Variants in CCN4 observed in about 807,000 individuals in gnomAD.
CCN4 encodes CCN family member 4.
In CCN4, 30 loss-of-function variants were observed where a neutral mutation model predicts 36.7. That is an observed-to-expected ratio of 0.82 (90% CI 0.61 to 1.11). The LOEUF is 1.11. Among genes scored for constraint, CCN4 ranks in the 50% least tolerant of loss-of-function variants. The probability of loss-of-function intolerance (pLI) is 0.00; values close to 1 mark genes in which losing one functional copy is unlikely to be tolerated. For missense variants in CCN4, 505 were observed against 504.9 expected (o/e 1.00, Z 0.00); for synonymous variants, 191 against 195.4 (o/e 0.98, Z 0.19).
At chr8:133,198,762 T>G (rs1013381033) in intron 1 of CCN4, among the ~76,000 whole-genome samples, 2 of 152,212 alleles carry the variant, frequency 1.3e-5, no homozygotes, top group Non-Finnish European at 2.9e-5. Context: ...TCTGCTGGCC[T>G]TGCCCTGTGT....
At chr8:133,212,812 G>A (rs968146345) in intron 1 of CCN4, 52 bp from the exon 2 acceptor site, 15 of 1,407,648 alleles carry the variant, frequency 1.1e-5, no homozygotes, top group South Asian at 1.4e-5. Context: ...CCCTTTGGGC[G>A]TTGAAACCCC....
intron 3 of CCN4, among the ~76,000 whole-genome samples, chr8:133,223,358 C>G (rs1854602944): frequency 1.3e-5 from 2 of 152,202 alleles, no homozygotes; most frequent in African/African-American, 2.4e-5. Context: ...TCCCCACCAC[C>G]TCCCAAGATG....
At chr8:133,221,724 A>AATGG (rs143527799) in intron 3 of CCN4, among the ~76,000 whole-genome samples, 2 of 151,308 alleles carry the variant, frequency 1.3e-5, no homozygotes, top group African/African-American at 4.9e-5. Flanking sequence ...TGAATGTATG[A>AATGG]ATGGATGGAT....
At chr8:133,206,679 G>A (rs1853785928) in intron 1 of CCN4, among the ~76,000 whole-genome samples, 1 of 152,172 alleles carries the variant, frequency 6.6e-6, no homozygotes, top group African/African-American at 2.4e-5. Context: ...CCAGTGAGTA[G>A]CCTTCGAGGG....
chr8:133,218,567 C>T (rs1214620605), intron 2 of CCN4, among the ~76,000 whole-genome samples: 1 of 152,180 alleles, frequency 6.6e-6, no homozygotes, highest in Non-Finnish European at 1.5e-5. Context: ...GACAGTACTT[C>T]GAAAACCTTC....
rs1854102251 is a variant in CCN4 at position 133,212,780 on chromosome 8, G to A, written c.70-84G>A. The A allele has an allele frequency of 4.7e-6, 5 of 1,058,228 alleles. No homozygotes were observed. In the South Asian group the frequency reaches 8.0e-5, roughly 17 times the overall value. The allele number at this position is 1,058,228 out of a possible 1,614,324, so 65.6% of individuals were successfully genotyped here. ...TATGAAAACCTTTTGAACAGCATGA[G>A]GACAGGAATGCAATGGCAGGGCCCT... On this transcript the variant is annotated intron_variant, in intron 1 of 4. Transcript: ENST00000250160.
intron 2 of CCN4, among the ~76,000 whole-genome samples, chr8:133,218,102 T>C (rs1390199441): frequency 1.3e-5 from 2 of 152,208 alleles, no homozygotes; most frequent in Non-Finnish European, 2.9e-5. Flanking sequence ...AAATGGGCTG[T>C]GGAGTCAGGT....
At chr8:133,217,930 C>A (rs1854380287) in intron 2 of CCN4, among the ~76,000 whole-genome samples, 1 of 21,866 alleles carries the variant, frequency 4.6e-5, no homozygotes, top group African/African-American at 3.4e-4. Context: ...TAGCCCACTC[C>A]CTTCTCCACA....
At chr8:133,201,878 C>T (rs77380060) in intron 1 of CCN4, among the ~76,000 whole-genome samples, 167 of 141,480 alleles carry the variant, frequency 1.2e-3, no homozygotes, top group East Asian at 9.5e-3. Flanking sequence ...AGAAAAAAAC[C>T]CATACATGTG....
chr8:133,217,380 T>C (rs1390375198), intron 2 of CCN4, among the ~76,000 whole-genome samples: 1 of 152,260 alleles, frequency 6.6e-6, no homozygotes, highest in Non-Finnish European at 1.5e-5. Flanking sequence ...GCAAGTTGAC[T>C]TGAATTCCTG....
At position 133,227,472 on chromosome 8, in the gene CCN4, G is replaced by T; in HGVS notation, c.866G>T (p.Gly289Val). The T allele has an allele frequency of 6.2e-7, 1 of 1,614,194 alleles. No homozygotes were observed. The highest frequency in any genetic ancestry group is 8.5e-7 in the Non-Finnish European group (1 of 1,180,032). Residue 289 changes from glycine to valine, a missense_variant, in exon 5 of 5, where the codon GGC becomes GTC. By Grantham distance (109) the Gly-to-Val change is moderately radical. Transcript: ENST00000250160. ...PEASMNFTLA[G>V]CISTRSYQPK... The stretch of plus-strand genomic sequence containing the variant: ...GCATCCATGAACTTCACACTTGCGG[G>T]CTGCATCAGCACACGCTCCTATCAA...
intron 2 of CCN4, among the ~76,000 whole-genome samples, chr8:133,220,281 G>T (rs1368321986): frequency 6.6e-6 from 1 of 152,168 alleles, no homozygotes; most frequent in Non-Finnish European, 1.5e-5. Flanking sequence ...TGGTGCTGGG[G>T]ACCCTGCAGG....
intron 1 of CCN4, among the ~76,000 whole-genome samples, chr8:133,205,226 T>C (rs887137426): frequency 5.9e-5 from 9 of 152,354 alleles, no homozygotes; most frequent in Non-Finnish European, 1.2e-4. Flanking sequence ...GGCCACCACC[T>C]CTGTCTTCCC....
Position 133,212,880 on chromosome 8 carries a change from C to T in CCN4, c.86C>T (p.Pro29Leu). Residue 29 changes from proline to leucine, a missense_variant, in exon 2 of 5, where the codon CCT (proline) becomes CTT (leucine). Physicochemically the swap from Pro to Leu is moderately conservative, Grantham distance 98. Transcript: ENST00000250160. ...CCCCCGCAGGCCCTCTCTCCAGCCC[C>T]TACGACCATGGACTTTACCCCAGCT... The part of the protein sequence containing the change: ...TVLATALSPA[P>L]TTMDFTPAPL... 5.0e-6 allele frequency: 8 copies of T among 1,601,666 alleles called. No individual in the cohort carries two copies. Among genetic ancestry groups the T allele is most frequent in the Non-Finnish European group, 6.8e-6 (8 of 1,171,138 alleles).
In CCN4 at chr8:133,224,229, C is replaced by CTTTTTTTTTTTTTTTTTTTT. The variant is rs59929763; in HGVS notation, c.611-1151_611-1132dup. On this transcript the variant is annotated intron_variant, in intron 3 of 4. Transcript: ENST00000250160. ...GATTTGAATTTGAAGCCCGTAAGTC[C>CTTTTTTTTTTTTTTTTTTTT]TTTTTTTTTTTTTTTTTTTTTTTTT... Among the ~76,000 whole-genome samples the CTTTTTTTTTTTTTTTTTTTT allele has an allele frequency of 4.0e-4, 35 of 88,494 alleles. 17 individuals carry two copies. Among genetic ancestry groups the CTTTTTTTTTTTTTTTTTTTT allele is most frequent in the African/African-American group, 5.8e-4 (13 of 22,448 alleles). 58.1% of individuals were successfully genotyped at this position (88,494 alleles called of 152,430 possible). A position where few individuals can be genotyped will look rare whatever the true frequency, so the allele number is the denominator to read the frequency against.
intron 2 of CCN4, among the ~76,000 whole-genome samples, chr8:133,218,462 T>C (rs1854406618): frequency 1.3e-5 from 2 of 152,108 alleles, no homozygotes; most frequent in South Asian, 4.1e-4. Flanking sequence ...TTGCTATATA[T>C]AAAGACAAAG....
Position 133,231,649 on chromosome 8 carries a change from T to C in CCN4, c.*3939T>C, listed in dbSNP as rs1016519893. The C allele has an allele frequency of 6.6e-6, 1 of 152,218 alleles. No individual in the cohort carries two copies. The highest frequency in any genetic ancestry group is 1.5e-5 in the Non-Finnish European group (1 of 68,046). The allele number at this position is 152,218 out of a possible 1,614,324, so 9.4% of individuals were successfully genotyped here. ...ACAGGCAGTTGTTATGAGACAATGATGGAGCATTGAGCATGTTCAATAAAT... is the reference window on the plus strand; with the variant it reads ...ACAGGCAGTTGTTATGAGACAATGACGGAGCATTGAGCATGTTCAATAAAT... On this transcript the variant is annotated 3_prime_UTR_variant, in exon 5 of 5. Coordinates refer to ENST00000250160, the MANE Select transcript of CCN4 (RefSeq NM_003882.4).
At chr8:133,218,437 T>C (rs1854405945) in intron 2 of CCN4, among the ~76,000 whole-genome samples, 1 of 152,180 alleles carries the variant, frequency 6.6e-6, no homozygotes. Context: ...GTCTTCACCT[T>C]GCTGAGACTT....
intron 2 of CCN4, among the ~76,000 whole-genome samples, chr8:133,219,211 C>G (rs544368499): frequency 6.6e-6 from 1 of 152,326 alleles, no homozygotes; most frequent in South Asian, 2.1e-4. Flanking sequence ...TAGGCTCTAA[C>G]AGCTTTGCAC....
Sources: allele counts gnomAD v4.1 joint callset (sites outside exome capture counted in the v4.1 genomes callset), GRCh38; gene constraint gnomAD v4.1.1; transcripts MANE v1.5; gene names NCBI Gene and HGNC (gene_info 2026-07-23, HGNC 2026-07-21).